The following FARP1 variants were observed in gnomAD, a reference collection of about 807,000 sequenced individuals.
FARP1 encodes the protein FERM, ARH/RhoGEF and pleckstrin domain protein 1.
Under a neutral mutation model 128.8 loss-of-function variants are expected in FARP1, and 52 were observed. That is an observed-to-expected ratio of 0.40 (90% confidence interval 0.32 to 0.51). The LOEUF is 0.51. Among genes scored for constraint, FARP1 ranks in the 20% least tolerant of loss-of-function variants. FARP1 has a pLI of 0.45. For synonymous variants in FARP1, 580 were observed against 551.8 expected, an observed-to-expected ratio of 1.05 and a Z score of -0.72; for missense variants, 1,333 against 1,367.9, an observed-to-expected ratio of 0.97 and a Z score of 0.40.
At chr13:98,190,193 A>C (rs1294613464) in intron 1 of FARP1, among the ~76,000 whole-genome samples, 5 of 152,180 alleles carry the variant, frequency 3.3e-5, no homozygotes, top group Non-Finnish European at 7.3e-5. Flanking sequence ...ATTTCCTTTA[A>C]AAATATTTTA....
intron 2 of FARP1, among the ~76,000 whole-genome samples, chr13:98,258,911 C>T (rs1883740109): frequency 6.6e-6 from 1 of 151,886 alleles, no homozygotes; most frequent in African/African-American, 2.4e-5. Flanking sequence ...TCAGATTTAC[C>T]TAAAAAATCA....
intron 2 of FARP1, among the ~76,000 whole-genome samples, chr13:98,312,431 G>A (rs661402): frequency 0.16 from 24,120 of 152,040 alleles, 2,245 homozygotes; most frequent in East Asian, 0.39. Flanking sequence ...GAGACACTGC[G>A]CCCAGCCAGT....
chr13:98,150,233 G>A (rs1875897784), intron 1 of FARP1, among the ~76,000 whole-genome samples: 1 of 152,010 alleles, frequency 6.6e-6, no homozygotes, highest in Non-Finnish European at 1.5e-5. Context: ...GTTTCACCAT[G>A]TTGGCCAAGC....
intron 26 of FARP1, 35 bp downstream of exon 26, chr13:98,446,852 G>A (rs369441254): frequency 5.6e-6 from 9 of 1,608,116 alleles, no homozygotes; most frequent in Middle Eastern, 1.6e-4. Context: ...GGGCCCTGCA[G>A]AAGAGGACCC....
intron 2 of FARP1, among the ~76,000 whole-genome samples, chr13:98,303,092 G>A (rs1208169893): frequency 1.3e-5 from 2 of 152,114 alleles, no homozygotes; most frequent in African/African-American, 4.8e-5. Flanking sequence ...CAACATGCAC[G>A]AACCTCCAGA....
rs765956257 is a variant in FARP1, at chr13:98,176,781, G to C, written c.-24+33289G>C. ...CCTTGGGCTTCAGGTACCTCAGGTA[G>C]CTGTGGATTCCCCGGTAGATGTGGT... is the stretch of plus-strand genomic sequence containing the variant. On this transcript the variant is annotated intron_variant, in intron 1 of 26. Transcript: ENST00000319562. This position sits in a 1 kb window ranked among gnomAD's most constrained non-coding sequence, Gnocchi z 6.2. 8 of 1,613,788 alleles carry C rather than the reference G, an allele frequency of 5.0e-6. No individual in the cohort carries two copies. The highest frequency in any genetic ancestry group is 5.9e-6 in the Non-Finnish European group (7 of 1,180,034).
chr13:98,177,421 A>G (rs972804113), intron 1 of FARP1, among the ~76,000 whole-genome samples: 1 of 152,152 alleles, frequency 6.6e-6, no homozygotes, highest in Non-Finnish European at 1.5e-5. Flanking sequence ...CCGAGGTGGG[A>G]GAATCACCCG....
intron 1 of FARP1, among the ~76,000 whole-genome samples, chr13:98,186,270 C>A (rs1878864181): frequency 6.6e-6 from 1 of 152,072 alleles, no homozygotes; most frequent in Non-Finnish European, 1.5e-5. Context: ...CCACGCCTGG[C>A]TAACTTTTTG....
intron 16 of FARP1, among the ~76,000 whole-genome samples, chr13:98,418,016 A>G (rs960264344): frequency 6.6e-6 from 1 of 152,174 alleles, no homozygotes; most frequent in Non-Finnish European, 1.5e-5. Flanking sequence ...TGGCTAAACA[A>G]AATGTGTGAT....
upstream of FARP1, chr13:98,142,593 G>A (rs1268315507): frequency 6.6e-6 from 1 of 152,230 alleles, no homozygotes; most frequent in Non-Finnish European, 1.5e-5. Flanking sequence ...GGTGCCGGAA[G>A]CCCGTGCCTG....
At chr13:98,155,700 G>T (rs1298384175) in intron 1 of FARP1, among the ~76,000 whole-genome samples, 1 of 151,982 alleles carries the variant, frequency 6.6e-6, no homozygotes, top group Non-Finnish European at 1.5e-5. Context: ...TGTATTTTTT[G>T]TAGAGACGGG....
intron 2 of FARP1, among the ~76,000 whole-genome samples, chr13:98,268,500 C>G (rs1884235964): frequency 6.6e-6 from 1 of 152,146 alleles, no homozygotes; most frequent in Non-Finnish European, 1.5e-5. Flanking sequence ...TGGAGTCTCG[C>G]TCTGTCACCC....
chr13:98,406,015 T>C (rs1490090617), intron 13 of FARP1: 2 of 152,238 alleles, frequency 1.3e-5, no homozygotes, highest in Non-Finnish European at 2.9e-5. Flanking sequence ...TTTTGTAAAA[T>C]GGACTACTTC....
At chr13:98,415,350 A>G (rs1891335321) in intron 16 of FARP1, among the ~76,000 whole-genome samples, 1 of 152,222 alleles carries the variant, frequency 6.6e-6, no homozygotes, top group African/African-American at 2.4e-5. Context: ...CAGTGCTAAC[A>G]GTCTATGATT....
intron 1 of FARP1, among the ~76,000 whole-genome samples, chr13:98,194,199 C>T (rs868087596): frequency 2.4e-4 from 36 of 152,084 alleles, no homozygotes; most frequent in Admixed American, 7.2e-4. Context: ...TTGTTGCAAC[C>T]TCCGCCTCCT....
chr13:98,424,325 C>G (rs920746101), intron 16 of FARP1, among the ~76,000 whole-genome samples: 8 of 152,060 alleles, frequency 5.3e-5, no homozygotes, highest in African/African-American at 1.9e-4. Flanking sequence ...ATAATTAAAC[C>G]AAATTAAAAG....
rs1433589188 is a variant in FARP1 at position 98,453,909 on chromosome 13, C to G, written c.*5592C>G. The G allele has an allele frequency of 6.6e-6, 1 of 152,206 alleles. No individual in the cohort carries two copies. The highest frequency in any genetic ancestry group is 6.5e-5 in the Admixed American group (1 of 15,282). 9.4% of individuals were successfully genotyped at this position (152,206 alleles called of 1,614,324 possible). A position where few individuals can be genotyped will look rare whatever the true frequency, so the allele number is the denominator to read the frequency against. ...CATCCCTTATCTGAAATGCTTCTGG[C>G]TTTGGATCTGGGAATATCCGCATTA... On this transcript the variant is annotated 3_prime_UTR_variant, in exon 27 of 27. Coordinates refer to ENST00000319562, the MANE Select transcript of FARP1 (RefSeq NM_005766.4).
chr13:98,320,899 C>G (rs949289300), intron 2 of FARP1, among the ~76,000 whole-genome samples: 2 of 152,074 alleles, frequency 1.3e-5, no homozygotes, highest in African/African-American at 4.8e-5. Context: ...TCAGAAGGCC[C>G]GGAAATCTAA....
intron 2 of FARP1, among the ~76,000 whole-genome samples, chr13:98,304,355 G>C (rs6491414): frequency 0.093 from 14,132 of 152,258 alleles, 1,109 homozygotes; most frequent in African/African-American, 0.22. Context: ...TAGGTGGGAA[G>C]AAAAATTATT....
Sources: gnomAD v4.1 joint callset for allele counts (sites outside exome capture counted in the v4.1 genomes callset) on GRCh38, gnomAD v4.1.1 for gene constraint, Gnocchi (gnomAD v3.1) non-coding constraint, MANE v1.5 for transcripts, NCBI Gene and HGNC (gene_info 2026-07-23, HGNC 2026-07-21) for gene names.